RNF180: variants seen among roughly 807,000 people sequenced by gnomAD.
RNF180 encodes the protein E3 ubiquitin-protein ligase RNF180.
RNF180 carries 38 observed loss-of-function variants against 59.2 expected under a neutral mutation model. The ratio of observed to expected loss-of-function variants is 0.64; its 90% CI spans 0.50 to 0.84. The LOEUF (loss-of-function observed/expected upper bound fraction) is 0.84. Among genes scored for constraint, RNF180 ranks in the 40% least tolerant of loss-of-function variants. RNF180 has a pLI of 0.00. For synonymous variants in RNF180, 262 were observed against 240.3 expected (o/e 1.09, Z -0.84); for missense variants, 705 against 700.9 (o/e 1.01, Z -0.07).
At chr5:64,228,692 T>G (rs181472260) in intron 5 of RNF180, among the ~76,000 whole-genome samples, 2 of 152,268 alleles carry the variant, frequency 1.3e-5, no homozygotes, top group East Asian at 3.9e-4. Flanking sequence ...AAAATCATTA[T>G]AAGTCATTAC....
At chr5:64,235,920 A>G (rs952171947) in intron 5 of RNF180, among the ~76,000 whole-genome samples, 2 of 152,216 alleles carry the variant, frequency 1.3e-5, no homozygotes, top group African/African-American at 2.4e-5. Flanking sequence ...TGAGTTAATT[A>G]AACATTCTTT....
At chr5:64,291,320 A>C (rs1742568582) in intron 5 of RNF180, among the ~76,000 whole-genome samples, 1 of 151,176 alleles carries the variant, frequency 6.6e-6, no homozygotes, top group African/African-American at 2.4e-5. Context: ...GATCTTATCA[A>C]GGAGTGTTTT....
intron 5 of RNF180, among the ~76,000 whole-genome samples, chr5:64,227,599 A>G (rs188405456): frequency 6.6e-6 from 1 of 152,218 alleles, no homozygotes; most frequent in East Asian, 1.9e-4. Context: ...TGCTAACACC[A>G]AAGACCAAAC....
chr5:64,276,054 T>A (rs1479707701), intron 5 of RNF180, among the ~76,000 whole-genome samples: 1 of 152,048 alleles, frequency 6.6e-6, no homozygotes, highest in Non-Finnish European at 1.5e-5. Flanking sequence ...TCCATCAGCA[T>A]CTTGCCCCAA....
intron 5 of RNF180, among the ~76,000 whole-genome samples, chr5:64,267,996 C>G (rs1318594139): frequency 1.3e-5 from 2 of 152,048 alleles, no homozygotes; most frequent in Admixed American, 6.6e-5. Flanking sequence ...ATTATTTTTC[C>G]TATCCAAGTT....
chr5:64,347,588 A>G (rs145117880), intron 7 of RNF180, among the ~76,000 whole-genome samples: 8 of 152,156 alleles, frequency 5.3e-5, no homozygotes, highest in Non-Finnish European at 1.2e-4. Flanking sequence ...GTGCACATGA[A>G]GTAGGACATA....
chr5:64,314,130 CATT>C (rs987375860), intron 5 of RNF180, among the ~76,000 whole-genome samples: 3 of 152,030 alleles, frequency 2.0e-5, no homozygotes, highest in African/African-American at 7.2e-5. Flanking sequence ...AGTTTTTGTA[CATT>C]GAACCATTAG....
In RNF180 at chr5:64,214,256, T is replaced by A. The variant is rs751543002; in HGVS notation, c.930T>A (p.Phe310Leu). Residue 310 changes from phenylalanine (F) to leucine (L), a missense_variant, in exon 4 of 8, where the codon TTT becomes TTA. By Grantham distance (22) the Phe-to-Leu change is conservative. Transcript: ENST00000389100. Reference protein sequence around the residue: ...HETQTQRGGEFQCGLEAASVY... With the variant: ...HETQTQRGGELQCGLEAASVY... ...CCCAGACACAAAGAGGAGGAGAATT[T>A]CAGTGTGGTCTAGAAGCTGCTTCAG... 2 of 1,614,096 alleles carry A rather than the reference T, an allele frequency of 1.2e-6. No homozygotes were observed. Among genetic ancestry groups the A allele is most frequent in the East Asian group, 4.5e-5 (2 of 44,870 alleles).
At chr5:64,358,745 C>A (rs1746124873) in intron 7 of RNF180, among the ~76,000 whole-genome samples, 2 of 150,540 alleles carry the variant, frequency 1.3e-5, no homozygotes, top group Non-Finnish European at 3.0e-5. Context: ...CATCCACTAA[C>A]TCGTCATCTA....
At position 64,370,791 on chromosome 5, in the gene RNF180, A is replaced by T. The variant is rs1238533515; in HGVS notation, c.*977A>T. ...GAATTGGGGCAGGTAACCCAATTCA[A>T]AAAAGGAAAAACTGGAGCAGAGACT... On this transcript the variant is annotated 3_prime_UTR_variant, in exon 8 of 8. Transcript: ENST00000389100. 6.6e-6 allele frequency: 1 copy of T among 151,676 alleles called. No individual in the cohort carries two copies. Among genetic ancestry groups the T allele is most frequent in the Non-Finnish European group, 1.5e-5 (1 of 67,754 alleles). 9.4% of individuals were successfully genotyped at this position (151,676 alleles called of 1,614,324 possible).
chr5:64,214,195 T>G lies in RNF180; in HGVS notation c.869T>G (p.Met290Arg). 1.2e-6 allele frequency: 2 copies of G among 1,614,170 alleles called. No individual in the cohort carries two copies. Among genetic ancestry groups the G allele is most frequent in the Non-Finnish European group, 1.7e-6 (2 of 1,179,998 alleles). Residue 290 changes from methionine (M) to arginine (R), a missense_variant, in exon 4 of 8, where the codon ATG becomes AGG. Transcript: ENST00000389100. The part of the protein sequence containing the change: ...FQNPSSFDPS[M>R]LLQRFSVAPH... ...AATCCATCCAGTTTTGATCCTAGTA[T>G]GCTGCTGCAAAGATTTTCAGTGGCC...
At chr5:64,305,831 A>C (rs183844667) in intron 5 of RNF180, among the ~76,000 whole-genome samples, 2 of 151,604 alleles carry the variant, frequency 1.3e-5, no homozygotes, top group Admixed American at 6.6e-5. Flanking sequence ...TAGTTAAGAG[A>C]TCTAGAATGA....
chr5:64,288,566 C>T (rs1254021123), intron 5 of RNF180, among the ~76,000 whole-genome samples: 1 of 152,120 alleles, frequency 6.6e-6, no homozygotes, highest in Non-Finnish European at 1.5e-5. Context: ...CCTCTTATTT[C>T]ATTGAGCAGT....
intron 5 of RNF180, among the ~76,000 whole-genome samples, chr5:64,313,245 A>G (rs1743867257): frequency 1.3e-5 from 2 of 152,084 alleles, no homozygotes; most frequent in South Asian, 4.1e-4. Context: ...GTATAGATTA[A>G]TTAATCACCC....
At chr5:64,198,286 C>G (rs548497772) in intron 1 of RNF180, among the ~76,000 whole-genome samples, 3 of 152,184 alleles carry the variant, frequency 2.0e-5, no homozygotes, top group African/African-American at 7.2e-5. Flanking sequence ...TGGCTAGTAG[C>G]TACTGTATAG....
chr5:64,313,187 A>G (rs914983006), intron 5 of RNF180, among the ~76,000 whole-genome samples: 2 of 152,106 alleles, frequency 1.3e-5, no homozygotes, highest in Non-Finnish European at 2.9e-5. Flanking sequence ...TCAGGGATAC[A>G]TGTGCAGGTT....
intron 7 of RNF180, among the ~76,000 whole-genome samples, chr5:64,330,867 C>T (rs557912176): frequency 6.6e-6 from 1 of 152,342 alleles, no homozygotes; most frequent in Admixed American, 6.5e-5. Context: ...GGGAGCCCTG[C>T]CTACCCAGGC....
intron 5 of RNF180, among the ~76,000 whole-genome samples, chr5:64,236,996 C>T (rs1235015655): frequency 6.6e-6 from 1 of 152,206 alleles, no homozygotes; most frequent in Non-Finnish European, 1.5e-5. Context: ...TGGAGAACCT[C>T]TACACAGGCA....
intron 1 of RNF180, among the ~76,000 whole-genome samples, chr5:64,176,663 C>T (rs983747708): frequency 6.6e-6 from 1 of 152,096 alleles, no homozygotes; most frequent in African/African-American, 2.4e-5. Flanking sequence ...TACTGGAGAA[C>T]ATTCTGTTAG....
Sources: allele counts gnomAD v4.1 joint callset (sites outside exome capture counted in the v4.1 genomes callset), GRCh38; gene constraint gnomAD v4.1.1; transcripts MANE v1.5; gene names NCBI Gene and HGNC (gene_info 2026-07-23, HGNC 2026-07-21).